DOCK9: variants seen among roughly 807,000 people sequenced by gnomAD.
The protein encoded by DOCK9 is dedicator of cytokinesis 9.
A neutral mutation model predicts 263.3 loss-of-function variants in DOCK9; 89 were observed. The ratio of observed to expected loss-of-function variants is 0.34; its 90% CI spans 0.28 to 0.40. The LOEUF is 0.40. Ranked by LOEUF, DOCK9 falls within the 10% of genes least tolerant of loss-of-function variation. The pLI is 1.00. For missense variants in DOCK9, 2,140 were observed against 2,603.4 expected, an observed-to-expected ratio of 0.82 and a Z score of 3.87; for synonymous variants, 976 against 973.1, an observed-to-expected ratio of 1.00 and a Z score of -0.06.
intron 30 of DOCK9, among the ~76,000 whole-genome samples, chr13:98,865,954 T>G (rs2094008284): frequency 7.2e-6 from 1 of 138,344 alleles, no homozygotes; most frequent in Non-Finnish European, 1.6e-5. Flanking sequence ...CAGGGATGCC[T>G]GGAATGTGCA....
At chr13:98,936,530 G>A (rs1270215074) in intron 2 of DOCK9, among the ~76,000 whole-genome samples, 5 of 151,808 alleles carry the variant, frequency 3.3e-5, no homozygotes, top group Non-Finnish European at 7.4e-5. Context: ...TGAAATGGGA[G>A]GATCTCTTGA....
At chr13:98,805,263 G>C in intron 48 of DOCK9, 54 bp from the exon 49 acceptor site, 1 of 1,441,758 alleles carries the variant, frequency 6.9e-7, no homozygotes, top group South Asian at 1.2e-5. Context: ...GAATCACTCA[G>C]TTCTTACCTA....
intron 15 of DOCK9, among the ~76,000 whole-genome samples, chr13:98,894,957 C>CAAAAAAAAAA (rs71114557): frequency 1.1e-4 from 8 of 73,340 alleles, no homozygotes; most frequent in East Asian, 5.2e-4. Context: ...TACTAAAATA[C>CAAAAAAAAAA]AAAAAAAAAA....
At chr13:98,919,106 G>T (rs1169022259) in intron 7 of DOCK9, among the ~76,000 whole-genome samples, 1 of 125,284 alleles carries the variant, frequency 8.0e-6, no homozygotes, top group South Asian at 3.1e-4. Flanking sequence ...AGCACTGCTG[G>T]GCTGTTTCTC....
intron 1 of DOCK9, among the ~76,000 whole-genome samples, chr13:99,073,679 C>T (rs2041790462): frequency 6.6e-6 from 1 of 152,140 alleles, no homozygotes; most frequent in South Asian, 2.1e-4. Context: ...GTAGAGTTGG[C>T]CTAACCCTTC....
chr13:99,067,996 G>A (rs894390545), intron 1 of DOCK9, among the ~76,000 whole-genome samples: 1 of 150,604 alleles, frequency 6.6e-6, no homozygotes, highest in South Asian at 2.1e-4. Context: ...CCTACAGAAA[G>A]AACCGATCCC....
chr13:98,847,938 A>G (rs1464594258), intron 37 of DOCK9, among the ~76,000 whole-genome samples: 1 of 152,212 alleles, frequency 6.6e-6, no homozygotes, highest in African/African-American at 2.4e-5. Context: ...CCCCCAAAGA[A>G]GGCGTGTCCA....
intron 27 of DOCK9, 64 bp downstream of exon 27, chr13:98,879,834 T>C: frequency 7.1e-7 from 1 of 1,403,076 alleles, no homozygotes; most frequent in South Asian, 1.3e-5. Flanking sequence ...AAACGTTCAC[T>C]ACAAAGCAAT....
At chr13:98,823,958 T>C (rs1317258824) in intron 45 of DOCK9, among the ~76,000 whole-genome samples, 4 of 152,202 alleles carry the variant, frequency 2.6e-5, no homozygotes, top group East Asian at 3.8e-4. Flanking sequence ...GGGGTTGCTA[T>C]GACCAGGACC....
At chr13:99,000,931 T>A (rs774077340) in intron 1 of DOCK9, among the ~76,000 whole-genome samples, 1 of 151,898 alleles carries the variant, frequency 6.6e-6, no homozygotes, top group Non-Finnish European at 1.5e-5. Context: ...GCACCTAGGG[T>A]GGGAGGGCAA....
At chr13:98,914,250 C>A in intron 9 of DOCK9, 78 bp downstream of exon 9, 1 of 1,235,378 alleles carries the variant, frequency 8.1e-7, no homozygotes. Context: ...TCAACAGATT[C>A]CATTCTGGAC....
intron 39 of DOCK9, among the ~76,000 whole-genome samples, chr13:98,832,421 G>A (rs567474022): frequency 6.6e-6 from 1 of 152,282 alleles, no homozygotes; most frequent in East Asian, 1.9e-4. Flanking sequence ...GAGATCAAGT[G>A]TAGAAACCAT....
intron 1 of DOCK9, among the ~76,000 whole-genome samples, chr13:99,010,737 C>T (rs1884332394): frequency 6.6e-6 from 1 of 152,182 alleles, no homozygotes; most frequent in African/African-American, 2.4e-5. Context: ...ATGTAGCGCC[C>T]ACCATATGGC....
upstream of DOCK9, among the ~76,000 whole-genome samples, chr13:98,979,728 A>C (rs1358007678): frequency 3.9e-5 from 6 of 152,156 alleles, no homozygotes; most frequent in Admixed American, 3.3e-4. Context: ...AAATTTTAAA[A>C]ATCTTTCTTT....
chr13:99,038,298 T>TCCC (rs1595959832), intron 1 of DOCK9, among the ~76,000 whole-genome samples: 1 of 118,334 alleles, frequency 8.5e-6, no homozygotes, highest in Admixed American at 8.6e-5. Context: ...CTTTTTTTTT[T>TCCC]TTTTTTTTTT....
At chr13:98,847,281 AT>A (rs944118230) in intron 37 of DOCK9, 2 of 152,466 alleles carry the variant, frequency 1.3e-5, no homozygotes, top group Non-Finnish European at 2.9e-5. Flanking sequence ...CTGTGACAGA[AT>A]TTACTGTTTG....
intron 1 of DOCK9, among the ~76,000 whole-genome samples, chr13:98,999,316 A>ACACACACACACACACACTCTCTCTCT: frequency 4.3e-4 from 59 of 138,360 alleles, no homozygotes; most frequent in African/African-American, 9.6e-4. Context: ...ACACACACAC[A>ACACACACACACACACACTCTCTCTCT]CTCTCTCTCT....
At chr13:98,903,252 A>G (rs749774611) in intron 10 of DOCK9, 140 bp from the exon 11 acceptor site, 15 of 684,798 alleles carry the variant, frequency 2.2e-5, no homozygotes, top group Non-Finnish European at 3.1e-5. Context: ...CTATTATATA[A>G]TCGGTTTCTA....
At position 98,846,943 on chromosome 13, in the gene DOCK9, A is replaced by G. The variant is rs73555193; in HGVS notation, c.4062-883T>C. ...CATATCTTTCCACAGTGCATGGAGC[A>G]AAGTCACATCATCTCCACTCCTGTT... On this transcript the variant is annotated intron_variant, in intron 37 of 52. Transcript: ENST00000682017. 2.3e-3 allele frequency: 488 copies of G among 210,326 alleles called. 1 individual carries two copies. The highest frequency in any genetic ancestry group is 0.011 in the African/African-American group (451 of 42,508). 13.0% of individuals were successfully genotyped at this position (210,326 alleles called of 1,614,324 possible).
Sources: allele counts gnomAD v4.1 joint callset (sites outside exome capture counted in the v4.1 genomes callset), GRCh38; gene constraint gnomAD v4.1.1; transcripts MANE v1.5; gene names NCBI Gene and HGNC (gene_info 2026-07-23, HGNC 2026-07-21).